HIVEP1: variants seen among roughly 807,000 people sequenced by gnomAD.
HIVEP1 encodes HIVEP zinc finger 1, also known as zinc finger protein 40.
A neutral mutation model predicts 180.0 loss-of-function variants in HIVEP1; 36 were observed. The ratio of observed to expected loss-of-function variants is 0.20; its 90% CI spans 0.15 to 0.26. HIVEP1 has a LOEUF of 0.26. Ranked by LOEUF, HIVEP1 falls within the 10% of genes least tolerant of loss-of-function variation. HIVEP1 has a pLI of 1.00. For missense variants in HIVEP1, 3,143 were observed against 3,268.7 expected (o/e 0.96, Z 0.94); for synonymous variants, 1,239 against 1,239.0 (o/e 1.00, Z 0.00).
chr6:12,111,457 A>G (rs560121870), intron 3 of HIVEP1, among the ~76,000 whole-genome samples: 1 of 152,330 alleles, frequency 6.6e-6, no homozygotes, highest in East Asian at 1.9e-4. Context: ...TATAATGATG[A>G]TGTCAGCAGG....
chr6:12,179,605 A>G, the HIVEP1 span, among the ~76,000 whole-genome samples: 1 of 152,224 alleles, frequency 6.6e-6, no homozygotes, highest in South Asian at 2.1e-4. Flanking sequence ...GAAGTCGTGG[A>G]ACACAAGGAG....
At chr6:12,011,495 C>G (rs904847793), upstream of HIVEP1, among the ~76,000 whole-genome samples, 1 of 151,512 alleles carries the variant, frequency 6.6e-6, no homozygotes, top group African/African-American at 2.4e-5. Context: ...CGGGCCCGCC[C>G]CTCCGCCCCC....
chr6:12,168,140 C>T (rs28535302), downstream of HIVEP1, among the ~76,000 whole-genome samples: 22 of 30,220 alleles, frequency 7.3e-4, 7 homozygotes, highest in African/African-American at 1.9e-3. Context: ...ACGTGTATAT[C>T]TATATTATAT....
chr6:12,135,633 T>C (rs1758661526), intron 6 of HIVEP1, among the ~76,000 whole-genome samples, 158 bp from the exon 7 acceptor site: 1 of 152,224 alleles, frequency 6.6e-6, no homozygotes, highest in South Asian at 2.1e-4. Flanking sequence ...TATTAGAACA[T>C]ATAGATACCA....
chr6:12,011,538 A>G (rs3902984), upstream of HIVEP1, among the ~76,000 whole-genome samples: 5 of 145,494 alleles, frequency 3.4e-5, 1 homozygote, highest in Non-Finnish European at 7.6e-5. Flanking sequence ...GTCGCGACCC[A>G]GGGCTCCCGC....
chr6:12,045,189 G>T (rs1355978537), intron 2 of HIVEP1, among the ~76,000 whole-genome samples: 2 of 152,170 alleles, frequency 1.3e-5, no homozygotes, highest in Non-Finnish European at 2.9e-5. Context: ...TTGATCAGAA[G>T]TTGGCTTGGG....
chr6:12,024,379 A>G (rs567403105), intron 2 of HIVEP1, among the ~76,000 whole-genome samples: 41 of 152,302 alleles, frequency 2.7e-4, no homozygotes, highest in African/African-American at 9.1e-4. Context: ...GAAAAAATAG[A>G]AAGTGATAAC....
rs1767403486 is a variant in HIVEP1, at chr6:12,012,454, C to G, written c.-216C>G. 1 of 149,854 alleles carries G rather than the reference C, an allele frequency of 6.7e-6. No homozygotes were observed. Among genetic ancestry groups the G allele is most frequent in the South Asian group, 2.0e-4 (1 of 5,096 alleles). 9.3% of individuals were successfully genotyped at this position (149,854 alleles called of 1,614,324 possible). On this transcript the variant is annotated 5_prime_UTR_variant, in exon 1 of 9. Transcript: ENST00000379388. ...GTGAAGGAGGGATCCCAGGCGCCGC[C>G]GCCGCCGCCGCGCGGGGGTCGCGGA...
chr6:12,165,901 G>A (rs1021547736), downstream of HIVEP1, among the ~76,000 whole-genome samples: 2 of 152,138 alleles, frequency 1.3e-5, no homozygotes, highest in Non-Finnish European at 1.5e-5. Flanking sequence ...TTCAACTTGC[G>A]TATCCTTATC....
At chr6:12,146,951 G>A (rs1759409631) in intron 7 of HIVEP1, among the ~76,000 whole-genome samples, 1 of 152,100 alleles carries the variant, frequency 6.6e-6, no homozygotes. Context: ...AGAAGGAAGG[G>A]AAGGAATTTA....
At chr6:12,126,717 G>A (rs779764224) in intron 4 of HIVEP1, among the ~76,000 whole-genome samples, 3 of 152,126 alleles carry the variant, frequency 2.0e-5, no homozygotes, top group Non-Finnish European at 2.9e-5. Context: ...ATAGAATTAT[G>A]AACAATTCTA....
rs964065321 is a variant in HIVEP1, at chr6:12,015,510, T to C, written c.-103-16T>C. On this transcript the variant is annotated splice_polypyrimidine_tract_variant and intron_variant, in intron 1 of 8. Coordinates refer to ENST00000379388, the MANE Select transcript of HIVEP1 (RefSeq NM_002114.4). ...GAAGGTAGTAAAATGTGCTTCTCCG[T>C]TTTTTTCTTTTTCAGCACATGGATT... 1 of 810,498 alleles carries C rather than the reference T, an allele frequency of 1.2e-6. No individual in the cohort carries two copies. Among genetic ancestry groups the C allele is most frequent in the African/African-American group, 1.7e-5 (1 of 57,720 alleles). The allele number at this position is 810,498 out of a possible 1,614,324, so 50.2% of individuals were successfully genotyped here.
chr6:12,190,726 C>A, the HIVEP1 span, among the ~76,000 whole-genome samples: 1 of 151,964 alleles, frequency 6.6e-6, no homozygotes, highest in East Asian at 1.9e-4. Flanking sequence ...TTTTCCACAC[C>A]CCTCCCCAGG....
intron 2 of HIVEP1, among the ~76,000 whole-genome samples, chr6:12,035,442 C>T (rs1769213884): frequency 6.6e-6 from 1 of 152,088 alleles, no homozygotes; most frequent in Non-Finnish European, 1.5e-5. Context: ...TGTCAGGACC[C>T]ATTGATAGGT....
At chr6:12,030,478 C>A (rs1432013877) in intron 2 of HIVEP1, among the ~76,000 whole-genome samples, 1 of 151,834 alleles carries the variant, frequency 6.6e-6, no homozygotes, top group Non-Finnish European at 1.5e-5. Flanking sequence ...TTTTTCTGTT[C>A]CTCAGATTGG....
the HIVEP1 span, among the ~76,000 whole-genome samples, chr6:12,207,326 A>G: frequency 1.3e-5 from 2 of 152,190 alleles, no homozygotes; most frequent in Non-Finnish European, 2.9e-5. Context: ...GTCAGGAACC[A>G]TCTTTATTCA....
At chr6:12,140,363 G>T (rs900853069) in intron 7 of HIVEP1, among the ~76,000 whole-genome samples, 2 of 151,954 alleles carry the variant, frequency 1.3e-5, no homozygotes, top group African/African-American at 4.8e-5. Context: ...GATGTTGGTG[G>T]GTCACCAACA....
chr6:12,133,481 T>C (rs1758539301), intron 6 of HIVEP1, among the ~76,000 whole-genome samples: 1 of 152,236 alleles, frequency 6.6e-6, no homozygotes, highest in Non-Finnish European at 1.5e-5. Context: ...CATTTCAATA[T>C]GGGCACACTT....
chr6:12,195,274 G>C, the HIVEP1 span, among the ~76,000 whole-genome samples: 21 of 152,284 alleles, frequency 1.4e-4, no homozygotes, highest in Admixed American at 5.2e-4. Context: ...CTGTATTCCA[G>C]CATCTAGAAC....
Sources: gnomAD v4.1 joint callset for allele counts (sites outside exome capture counted in the v4.1 genomes callset) on GRCh38, gnomAD v4.1.1 for gene constraint, MANE v1.5 for transcripts, NCBI Gene and HGNC (gene_info 2026-07-23, HGNC 2026-07-21) for gene names.